Variants in FSTL5 observed in about 807,000 individuals in gnomAD.
The protein encoded by FSTL5 is follistatin like 5.
Under a neutral mutation model 89.1 loss-of-function variants are expected in FSTL5, and 62 were observed. That is an observed-to-expected ratio of 0.70 (90% CI 0.57 to 0.86). The LOEUF (loss-of-function observed/expected upper bound fraction) is 0.86, where lower values mean the gene tolerates loss of function less well. Ranked by LOEUF, FSTL5 falls within the 40% of genes least tolerant of loss-of-function variation. The pLI, the probability that FSTL5 is intolerant of heterozygous loss-of-function variation, is 0.00. For synonymous variants in FSTL5, 383 were observed against 346.2 expected, an observed-to-expected ratio of 1.11 and a Z score of -1.18; for missense variants, 1,057 against 1,001.6, an observed-to-expected ratio of 1.06 and a Z score of -0.75.
At chr4:161,941,359 A>T (rs1039069584) in intron 3 of FSTL5, among the ~76,000 whole-genome samples, 14 of 151,918 alleles carry the variant, frequency 9.2e-5, no homozygotes, top group African/African-American at 3.4e-4. Flanking sequence ...GATTGGCAGA[A>T]TGGATAAAAA....
At chr4:161,575,716 T>C (rs1733186380) in intron 8 of FSTL5, among the ~76,000 whole-genome samples, 1 of 152,144 alleles carries the variant, frequency 6.6e-6, no homozygotes, top group African/African-American at 2.4e-5. Flanking sequence ...TCTCCTGAAG[T>C]GCTGGGATTA....
At chr4:161,726,213 T>TC (rs1446964231) in intron 6 of FSTL5, among the ~76,000 whole-genome samples, 1 of 138,076 alleles carries the variant, frequency 7.2e-6, no homozygotes, top group African/African-American at 2.6e-5. Context: ...TCTTTTTTTT[T>TC]CTTTTTTCTT....
chr4:161,700,377 T>A (rs2126729099), intron 6 of FSTL5, among the ~76,000 whole-genome samples: 1 of 152,296 alleles, frequency 6.6e-6, no homozygotes, highest in South Asian at 2.1e-4. Flanking sequence ...ATGAAAATAA[T>A]AATATAAAAT....
At chr4:161,518,369 T>C (rs977911046) in intron 10 of FSTL5, among the ~76,000 whole-genome samples, 3 of 152,136 alleles carry the variant, frequency 2.0e-5, no homozygotes, top group Non-Finnish European at 2.9e-5. Flanking sequence ...TAAGGATGCA[T>C]AGCAAAAGGC....
chr4:161,850,563 T>C (rs887384615), intron 4 of FSTL5, among the ~76,000 whole-genome samples: 17 of 151,500 alleles, frequency 1.1e-4, no homozygotes, highest in Non-Finnish European at 5.9e-5. Context: ...GAATCATGTT[T>C]CTGGCCCAGA....
chr4:161,415,772 G>GGGATATATATATGATATATAT (rs1465486396), intron 15 of FSTL5, among the ~76,000 whole-genome samples: 3 of 142,502 alleles, frequency 2.1e-5, no homozygotes, highest in Admixed American at 7.1e-5. Context: ...ATACATATAG[G>GGGATATATATATGATATATAT]GGATATATAT....
intron 7 of FSTL5, among the ~76,000 whole-genome samples, chr4:161,611,146 A>G (rs1734622008): frequency 3.4e-5 from 5 of 148,128 alleles, no homozygotes; most frequent in Non-Finnish European, 1.5e-5. Flanking sequence ...ATGTATCTAT[A>G]TATATGTGTG....
intron 5 of FSTL5, among the ~76,000 whole-genome samples, chr4:161,775,458 C>A (rs188956039): frequency 6.6e-6 from 1 of 152,100 alleles, no homozygotes; most frequent in African/African-American, 2.4e-5. Flanking sequence ...TATCTTAAAT[C>A]ATTTATATAC....
At chr4:161,817,959 C>G (rs1054256600) in intron 4 of FSTL5, among the ~76,000 whole-genome samples, 2 of 152,078 alleles carry the variant, frequency 1.3e-5, no homozygotes, top group South Asian at 4.1e-4. Flanking sequence ...CGGGGTCCAC[C>G]CCCACGGACC....
intron 8 of FSTL5, among the ~76,000 whole-genome samples, chr4:161,561,306 C>T (rs773267098): frequency 1.3e-5 from 2 of 151,984 alleles, no homozygotes; most frequent in African/African-American, 4.8e-5. Context: ...AAAAGTATCT[C>T]TGTAAGACTC....
At chr4:161,668,099 T>C (rs987662013) in intron 6 of FSTL5, among the ~76,000 whole-genome samples, 8 of 152,042 alleles carry the variant, frequency 5.3e-5, no homozygotes, top group African/African-American at 1.7e-4. Context: ...AAGTTGGTTA[T>C]CTGAAAGATA....
intron 4 of FSTL5, among the ~76,000 whole-genome samples, chr4:161,777,260 T>TATATATATATAC (rs138402425): frequency 5.4e-5 from 8 of 149,428 alleles, no homozygotes; most frequent in Admixed American, 2.7e-4. Context: ...TATATATATA[T>TATATATATATAC]ACACACACCA....
intron 3 of FSTL5, among the ~76,000 whole-genome samples, chr4:161,963,190 T>C (rs1735229436): frequency 6.6e-6 from 1 of 151,984 alleles, no homozygotes; most frequent in Admixed American, 6.6e-5. Context: ...TCTTGTAATT[T>C]GATTCAAAAT....
chr4:162,096,799 G>A (rs1260312596), intron 2 of FSTL5, among the ~76,000 whole-genome samples: 3 of 151,800 alleles, frequency 2.0e-5, no homozygotes, highest in Non-Finnish European at 4.4e-5. Context: ...CAAAAATAAA[G>A]TTATAGGATT....
chr4:161,576,305 A>G (rs1305015374), intron 8 of FSTL5, among the ~76,000 whole-genome samples: 2 of 152,206 alleles, frequency 1.3e-5, no homozygotes, highest in African/African-American at 2.4e-5. Flanking sequence ...TCTTCACGGA[A>G]TTAGAAAAAA....
At chr4:161,872,141 G>GTTTTTTTTTTT (rs1171950770) in intron 4 of FSTL5, among the ~76,000 whole-genome samples, 16 of 79,552 alleles carry the variant, frequency 2.0e-4, no homozygotes, top group African/African-American at 7.0e-4. Context: ...TTTTTTTTTG[G>GTTTTTTTTTTT]TTTTTTTTTT....
chr4:161,949,912 A>T (rs1433333277), intron 3 of FSTL5, among the ~76,000 whole-genome samples: 2 of 151,926 alleles, frequency 1.3e-5, no homozygotes, highest in East Asian at 1.9e-4. Context: ...AAAATTCTCC[A>T]TCTGGTAAAT....
intron 3 of FSTL5, among the ~76,000 whole-genome samples, chr4:162,014,789 T>C (rs2111140343): frequency 6.6e-6 from 1 of 152,202 alleles, no homozygotes; most frequent in Non-Finnish European, 1.5e-5. Flanking sequence ...AAGCAAGGCA[T>C]TTAGATCCAG....
At chr4:162,143,485 T>C (rs62331313) in intron 1 of FSTL5, among the ~76,000 whole-genome samples, 1,931 of 152,272 alleles carry the variant, frequency 0.013, 15 homozygotes, top group Non-Finnish European at 0.019. Context: ...GTGAACACCA[T>C]TGTTAATGCT....
Sources: allele counts gnomAD v4.1 joint callset (sites outside exome capture counted in the v4.1 genomes callset), GRCh38; gene constraint gnomAD v4.1.1; transcripts MANE v1.5; gene names NCBI Gene and HGNC (gene_info 2026-07-23, HGNC 2026-07-21).